The following PCDH15 variants were observed in gnomAD, a reference collection of about 807,000 sequenced individuals.
PCDH15 encodes protocadherin related 15, also known as protocadherin-15.
PCDH15 carries 129 observed loss-of-function variants against 178.5 expected under a neutral mutation model. The observed-to-expected ratio is 0.72, with a 90% CI of 0.63 to 0.84. The LOEUF is 0.84. PCDH15 is among the 40% of genes least tolerant of loss of function. The pLI, the probability that PCDH15 is intolerant of heterozygous loss-of-function variation, is 0.00. For synonymous variants in PCDH15, 800 were observed against 732.0 expected (o/e 1.09, Z -1.50); for missense variants, 2,230 against 2,099.9 (o/e 1.06, Z -1.21).
chr10:55,413,365 A>C (rs1838392952), intron 2 of PCDH15, among the ~76,000 whole-genome samples: 1 of 151,660 alleles, frequency 6.6e-6, no homozygotes, highest in Admixed American at 6.6e-5. Context: ...TATTTTAAAT[A>C]TTTTAAATAA....
chr10:54,358,696 A>G (rs572916336), intron 5 of PCDH15, among the ~76,000 whole-genome samples: 44 of 152,262 alleles, frequency 2.9e-4, no homozygotes, highest in South Asian at 1.0e-3. Flanking sequence ...ATGCTGCTGT[A>G]AAGACACATG....
At chr10:54,515,600 A>G (rs926587040) in intron 3 of PCDH15, among the ~76,000 whole-genome samples, 91 of 152,234 alleles carry the variant, frequency 6.0e-4, no homozygotes, top group African/African-American at 2.1e-3. Flanking sequence ...TGCAGACTTA[A>G]ACGTCCTTGT....
At chr10:54,825,697 C>T (rs1953120092) in intron 3 of PCDH15, among the ~76,000 whole-genome samples, 1 of 151,956 alleles carries the variant, frequency 6.6e-6, no homozygotes. Context: ...TGTTCATGTC[C>T]TTCGCCCATT....
chr10:54,630,173 T>C, intron 2 of PCDH15, among the ~76,000 whole-genome samples: 1 of 152,162 alleles, frequency 6.6e-6, no homozygotes, highest in Non-Finnish European at 1.5e-5. Context: ...TCTTCTAAAA[T>C]TCATATGGAA....
intron 8 of PCDH15, among the ~76,000 whole-genome samples, chr10:54,243,284 C>T (rs1820055115): frequency 6.6e-6 from 1 of 152,136 alleles, no homozygotes; most frequent in South Asian, 2.1e-4. Context: ...CCAAGGCGGG[C>T]AGATCACGAG....
Position 53,957,007 on chromosome 10 carries a change from T to C in PCDH15, c.3122+2725A>G, listed in dbSNP as rs141700584. Among the ~76,000 whole-genome samples the C allele has an allele frequency of 2.9e-3, 447 of 152,310 alleles. 4 individuals carry two copies. The highest frequency in any genetic ancestry group is 3.8e-3 in the Non-Finnish European group (261 of 68,016). ...AAAGTTAAATGAGCAATGCCCTGTT[T>C]CAATTTATGACCTTGGCCTCAATGC... is the stretch of plus-strand genomic sequence containing the variant. On this transcript the variant is annotated intron_variant, in intron 23 of 37. Coordinates refer to ENST00000644397, the MANE Select transcript of PCDH15 (RefSeq NM_001384140.1).
rs73253086 is a variant in PCDH15 at position 54,677,843 on chromosome 10, A to C, written c.-28-13553T>G. Reference sequence around the variant, plus strand: ...GCAATAGTTTAAAGCCTTGGGCTTAAGGATCTGTTAGTAACATGACATTTG... The same window carrying C: ...GCAATAGTTTAAAGCCTTGGGCTTACGGATCTGTTAGTAACATGACATTTG... On this transcript the variant is annotated intron_variant, in intron 1 of 37. Coordinates refer to ENST00000644397, the MANE Select transcript of PCDH15 (RefSeq NM_001384140.1). Among the ~76,000 whole-genome samples the C allele has an allele frequency of 5.2e-3, 799 of 152,314 alleles. 14 individuals carry two copies. Among genetic ancestry groups the C allele is most frequent in the African/African-American group, 0.019 (776 of 41,566 alleles).
At chr10:54,214,565 T>C (rs2051796088) in intron 9 of PCDH15, among the ~76,000 whole-genome samples, 1 of 152,176 alleles carries the variant, frequency 6.6e-6, no homozygotes, top group Non-Finnish European at 1.5e-5. Flanking sequence ...GTTCTGATGA[T>C]ACTCTTAATG....
Position 54,147,820 on chromosome 10 carries a change from AAC to A in PCDH15, c.1784+5278_1784+5279del, listed in dbSNP as rs765246971. On this transcript the variant is annotated intron_variant, in intron 14 of 37. Transcript: ENST00000644397. The stretch of plus-strand genomic sequence containing the variant: ...AATTATAGTTTTCCTCCACAACAGT[AAC>A]TACAAAGATTATAGATATGAAACAG... Among the ~76,000 whole-genome samples the A allele has an allele frequency of 4.7e-3, 721 of 152,140 alleles. 18 individuals carry two copies. The East Asian group carries it at 0.094, about 20-fold the overall frequency.
At chr10:54,811,676 G>C (rs1288931325) in intron 3 of PCDH15, among the ~76,000 whole-genome samples, 1 of 151,946 alleles carries the variant, frequency 6.6e-6, no homozygotes, top group Non-Finnish European at 1.5e-5. Context: ...TCACCATGTT[G>C]GCCAGGATGG....
At chr10:53,926,861 A>G (rs1372433900) in intron 25 of PCDH15, among the ~76,000 whole-genome samples, 5 of 152,214 alleles carry the variant, frequency 3.3e-5, no homozygotes, top group East Asian at 1.9e-4. Context: ...GTTTATACCT[A>G]TGTTATAGCT....
intron 2 of PCDH15, among the ~76,000 whole-genome samples, chr10:55,106,788 C>T (rs1837357456): frequency 6.6e-6 from 1 of 152,162 alleles, no homozygotes; most frequent in Non-Finnish European, 1.5e-5. Context: ...AGATTCTTAT[C>T]CTATTATTAA....
At chr10:54,445,182 T>G (rs2076071583) in intron 3 of PCDH15, among the ~76,000 whole-genome samples, 1 of 151,560 alleles carries the variant, frequency 6.6e-6, no homozygotes, top group East Asian at 2.0e-4. Flanking sequence ...GTAATTTTTT[T>G]GCTTTTATTT....
chr10:54,873,759 CGT>C (rs931765185), intron 3 of PCDH15, among the ~76,000 whole-genome samples: 22 of 135,906 alleles, frequency 1.6e-4, no homozygotes, highest in African/African-American at 3.5e-4. Context: ...TATACATATA[CGT>C]GTGTGTGTGT....
At chr10:55,347,258 A>C (rs530640894) in intron 2 of PCDH15, among the ~76,000 whole-genome samples, 1 of 152,142 alleles carries the variant, frequency 6.6e-6, no homozygotes, top group African/African-American at 2.4e-5. Flanking sequence ...AGTATAGTGG[A>C]AGTTTTTTTA....
intron 2 of PCDH15, among the ~76,000 whole-genome samples, chr10:55,416,039 A>C (rs946728133): frequency 4.1e-5 from 5 of 122,970 alleles, no homozygotes; most frequent in African/African-American, 1.7e-4. Flanking sequence ...AGGCAAAAAA[A>C]CAAACAAACA....
chr10:55,594,052 G>T (rs1842895886), intron 2 of PCDH15, among the ~76,000 whole-genome samples: 1 of 151,868 alleles, frequency 6.6e-6, no homozygotes, highest in Non-Finnish European at 1.5e-5. Context: ...AAGAGTCTGG[G>T]ATATGAAACC....
intron 1 of PCDH15, among the ~76,000 whole-genome samples, chr10:55,208,444 C>T (rs982459579): frequency 5.9e-5 from 9 of 151,978 alleles, no homozygotes; most frequent in African/African-American, 2.2e-4. Flanking sequence ...ACATTCACCT[C>T]CCCCCACATA....
chr10:54,618,444 A>G (rs963006732), intron 2 of PCDH15, among the ~76,000 whole-genome samples: 1 of 152,140 alleles, frequency 6.6e-6, no homozygotes, highest in African/African-American at 2.4e-5. Context: ...GCAGTGGTAC[A>G]TGATTATGAA....
Sources: gnomAD v4.1 joint callset for allele counts (sites outside exome capture counted in the v4.1 genomes callset) on GRCh38, gnomAD v4.1.1 for gene constraint, MANE v1.5 for transcripts, NCBI Gene and HGNC (gene_info 2026-07-23, HGNC 2026-07-21) for gene names.